The following ASAP1 variants were observed in gnomAD, a reference collection of about 807,000 sequenced individuals.
ASAP1 encodes arf-GAP with SH3 domain, ANK repeat and PH domain-containing protein 1.
In ASAP1, 43 loss-of-function variants were observed where a neutral mutation model predicts 145.2. That is an observed-to-expected ratio of 0.30 (90% confidence interval 0.23 to 0.38). The LOEUF (loss-of-function observed/expected upper bound fraction) is 0.38. Among genes scored for constraint, ASAP1 ranks in the 10% least tolerant of loss-of-function variants. The probability of loss-of-function intolerance (pLI) is 1.00; values close to 1 mark genes in which losing one functional copy is unlikely to be tolerated. For synonymous variants in ASAP1, 546 were observed against 515.5 expected, an observed-to-expected ratio of 1.06 and a Z score of -0.80; for missense variants, 1,018 against 1,355.3, an observed-to-expected ratio of 0.75 and a Z score of 3.91.
At chr8:130,414,011 T>G (rs1184731575) in intron 1 of ASAP1, among the ~76,000 whole-genome samples, 1 of 152,156 alleles carries the variant, frequency 6.6e-6, no homozygotes. Context: ...CGATGATTGC[T>G]GGTACCTGCA....
At chr8:130,173,843 T>C (rs1177246016) in intron 9 of ASAP1, among the ~76,000 whole-genome samples, 1 of 148,430 alleles carries the variant, frequency 6.7e-6, no homozygotes, top group African/African-American at 2.5e-5. Context: ...GAGGCCGAGA[T>C]GGGTAGATTG....
chr8:130,380,831 C>T lies in ASAP1; in HGVS notation c.59+21054G>A, dbSNP rs542654851. The stretch of plus-strand genomic sequence containing the variant: ...CCTCCTGGGCTCAAGTGATCTTTCG[C>T]CTCAGATTCCTGAGTAGCTGGGAGT... On this transcript the variant is annotated intron_variant, in intron 2 of 29. Transcript: ENST00000518721. Among the ~76,000 whole-genome samples the T allele has an allele frequency of 4.6e-5, 7 of 152,234 alleles. 1 individual carries two copies. The South Asian group carries it at 1.5e-3, about 32-fold the overall frequency.
chr8:130,391,032 C>T (rs1308546341), intron 2 of ASAP1, among the ~76,000 whole-genome samples: 3 of 150,024 alleles, frequency 2.0e-5, no homozygotes, highest in Admixed American at 6.8e-5. Context: ...GAAGCAAACA[C>T]GTATTCATCC....
intron 3 of ASAP1, among the ~76,000 whole-genome samples, chr8:130,342,407 A>T (rs1458165743): frequency 1.3e-5 from 2 of 152,148 alleles, no homozygotes; most frequent in Non-Finnish European, 2.9e-5. Flanking sequence ...TGGGTAAAGT[A>T]CTCAGCATGA....
At chr8:130,067,338 T>C (rs748728603) in intron 27 of ASAP1, among the ~76,000 whole-genome samples, 39 of 152,182 alleles carry the variant, frequency 2.6e-4, no homozygotes, top group Non-Finnish European at 5.6e-4. Flanking sequence ...ACAGCTTTCC[T>C]TGTCTCAGGG....
chr8:130,120,312 T>C (rs2097563697), intron 18 of ASAP1, among the ~76,000 whole-genome samples: 1 of 152,224 alleles, frequency 6.6e-6, no homozygotes, highest in Admixed American at 6.5e-5. Context: ...ACTGTGTTGA[T>C]GGATGGAGCA....
At chr8:130,277,900 T>C (rs575944856) in intron 3 of ASAP1, among the ~76,000 whole-genome samples, 4 of 152,242 alleles carry the variant, frequency 2.6e-5, no homozygotes, top group East Asian at 1.9e-4. Flanking sequence ...CACAGAGATG[T>C]AGAGAGTGGC....
chr8:130,068,218 GTC>G (rs2097434396), intron 27 of ASAP1, among the ~76,000 whole-genome samples: 1 of 152,186 alleles, frequency 6.6e-6, no homozygotes. Flanking sequence ...GGTTATTGTT[GTC>G]TATAATGGCT....
chr8:130,304,120 T>TA (rs946597878), intron 3 of ASAP1, among the ~76,000 whole-genome samples: 7 of 150,296 alleles, frequency 4.7e-5, no homozygotes, highest in East Asian at 4.0e-4. Flanking sequence ...AACTGCTCTT[T>TA]AAAAAAAAAC....
At chr8:130,322,059 C>A (rs1282878517) in intron 3 of ASAP1, among the ~76,000 whole-genome samples, 1 of 152,188 alleles carries the variant, frequency 6.6e-6, no homozygotes, top group Non-Finnish European at 1.5e-5. Flanking sequence ...AATGAAGATG[C>A]TACTGTGCTG....
chr8:130,097,082 T>C (rs1476083375), intron 24 of ASAP1, among the ~76,000 whole-genome samples: 11 of 120,136 alleles, frequency 9.2e-5, no homozygotes, highest in African/African-American at 3.2e-4. Flanking sequence ...GCCGAGATCA[T>C]GCCACTGCAC....
chr8:130,242,247 C>A, intron 3 of ASAP1, among the ~76,000 whole-genome samples: 1 of 118,260 alleles, frequency 8.5e-6, no homozygotes, highest in African/African-American at 3.4e-5. Flanking sequence ...ACTCCTATAC[C>A]AAAGTGATTT....
At position 130,217,791 on chromosome 8, in the gene ASAP1, C is replaced by G. The variant is rs774406686; in HGVS notation, c.260-3090G>C. Among the ~76,000 whole-genome samples, 75 of 152,128 alleles carry G rather than the reference C, an allele frequency of 4.9e-4. 1 individual carries two copies. The highest frequency in any genetic ancestry group is 8.7e-4 in the Non-Finnish European group (59 of 68,024). On this transcript the variant is annotated intron_variant, in intron 4 of 29. Coordinates refer to ENST00000518721, the MANE Select transcript of ASAP1 (RefSeq NM_018482.4). ...ATAACTGAGATCAAATTTTTAAATT[C>G]TGCTTTCAAACACACCTCAATAAGT...
chr8:130,276,726 A>ACTCTCTCTCTCTCT (rs1486127973), intron 3 of ASAP1, among the ~76,000 whole-genome samples: 1 of 91,760 alleles, frequency 1.1e-5, no homozygotes, highest in Non-Finnish European at 2.3e-5. Context: ...ACACACACAC[A>ACTCTCTCTCTCTCT]CACTCTCTCT....
chr8:130,073,979 A>G (rs1245923884), intron 27 of ASAP1, among the ~76,000 whole-genome samples: 4 of 152,246 alleles, frequency 2.6e-5, no homozygotes, highest in Non-Finnish European at 5.9e-5. Context: ...AGAAATCTAT[A>G]GAACGAATAA....
At chr8:130,348,064 T>A (rs1348525739) in intron 3 of ASAP1, among the ~76,000 whole-genome samples, 1 of 152,164 alleles carries the variant, frequency 6.6e-6, no homozygotes, top group Non-Finnish European at 1.5e-5. Flanking sequence ...CTACAGAATG[T>A]GCGTCATAAT....
At chr8:130,117,450 T>C (rs1448733609) in intron 20 of ASAP1, among the ~76,000 whole-genome samples, 1 of 152,228 alleles carries the variant, frequency 6.6e-6, no homozygotes, top group Admixed American at 6.5e-5. Flanking sequence ...AAACCTGGAC[T>C]TTTATACAAT....
At chr8:130,271,676 A>G (rs1160799346) in intron 3 of ASAP1, among the ~76,000 whole-genome samples, 1 of 152,200 alleles carries the variant, frequency 6.6e-6, no homozygotes, top group Non-Finnish European at 1.5e-5. Context: ...GTTAAACTAT[A>G]AACGATGGGC....
At chr8:130,397,134 T>C (rs1346773417) in intron 2 of ASAP1, among the ~76,000 whole-genome samples, 2 of 151,080 alleles carry the variant, frequency 1.3e-5, no homozygotes, top group Non-Finnish European at 3.0e-5. Context: ...CACATATTTA[T>C]GAGAATTTTG....
Sources: allele counts gnomAD v4.1 joint callset (sites outside exome capture counted in the v4.1 genomes callset), GRCh38; gene constraint gnomAD v4.1.1; transcripts MANE v1.5; gene names NCBI Gene and HGNC (gene_info 2026-07-23, HGNC 2026-07-21).